TBX20: variants seen among roughly 807,000 people sequenced by gnomAD.
TBX20 encodes T-box transcription factor 20, also known as T-box transcription factor TBX20.
Under a neutral mutation model 42.9 loss-of-function variants are expected in TBX20, and 8 were observed. That is an observed-to-expected ratio of 0.19 (90% confidence interval 0.11 to 0.34). TBX20 has a LOEUF of 0.34. TBX20 is among the 10% of genes least tolerant of loss of function. The probability of loss-of-function intolerance (pLI) is 1.00; values close to 1 mark genes in which losing one functional copy is unlikely to be tolerated. For missense variants in TBX20, 411 were observed against 566.0 expected, an observed-to-expected ratio of 0.73 and a Z score of 2.78; for synonymous variants, 198 against 222.8, an observed-to-expected ratio of 0.89 and a Z score of 0.99.
At chr7:35,241,584 A>C (rs1790082631) in intron 4 of TBX20, among the ~76,000 whole-genome samples, 1 of 152,218 alleles carries the variant, frequency 6.6e-6, no homozygotes. Context: ...TCATATGCAG[A>C]AACAGTACTA....
chr7:35,217,255 C>T (rs1041278864), intron 6 of TBX20, among the ~76,000 whole-genome samples: 2 of 151,930 alleles, frequency 1.3e-5, no homozygotes, highest in Non-Finnish European at 2.9e-5. Context: ...GTAAACTGTA[C>T]CACTGAAAAA....
intron 1 of TBX20, among the ~76,000 whole-genome samples, chr7:35,250,624 C>A (rs1014291877): frequency 3.3e-5 from 5 of 152,132 alleles, no homozygotes; most frequent in Non-Finnish European, 5.9e-5. Flanking sequence ...TTTTTCTCAA[C>A]GGAGACAAAG....
chr7:35,211,711 C>T (rs1789500542), intron 6 of TBX20, among the ~76,000 whole-genome samples: 1 of 152,108 alleles, frequency 6.6e-6, no homozygotes, highest in Non-Finnish European at 1.5e-5. Context: ...ACCATAACCC[C>T]ATTGTTAGTC....
chr7:35,229,840 C>T (rs1347129641), intron 6 of TBX20, among the ~76,000 whole-genome samples: 1 of 152,022 alleles, frequency 6.6e-6, no homozygotes, highest in Non-Finnish European at 1.5e-5. Context: ...GTCATAAATG[C>T]CAGCTTATTT....
intron 7 of TBX20, among the ~76,000 whole-genome samples, chr7:35,203,190 A>G (rs1789337069): frequency 6.6e-6 from 1 of 152,210 alleles, no homozygotes; most frequent in South Asian, 2.1e-4. Flanking sequence ...GTGAGAACCT[A>G]AGAAAGTAAG....
intron 6 of TBX20, among the ~76,000 whole-genome samples, chr7:35,227,643 T>C (rs1431817943): frequency 4.6e-5 from 7 of 152,162 alleles, no homozygotes; most frequent in Admixed American, 4.6e-4. Flanking sequence ...ATACACTCTA[T>C]GACGTTTTCA....
intron 4 of TBX20, among the ~76,000 whole-genome samples, chr7:35,241,538 A>T (rs1410037805): frequency 6.6e-6 from 1 of 152,210 alleles, no homozygotes; most frequent in African/African-American, 2.4e-5. Context: ...TTTAATCCTT[A>T]GCCAGGTGAT....
At chr7:35,241,508 A>C (rs1280408257) in intron 4 of TBX20, among the ~76,000 whole-genome samples, 2 of 152,278 alleles carry the variant, frequency 1.3e-5, no homozygotes, top group East Asian at 3.9e-4. Context: ...AAAAATTTTG[A>C]ATCTGTCAGT....
intron 4 of TBX20, among the ~76,000 whole-genome samples, chr7:35,243,705 A>AT (rs397739596): frequency 6.6e-6 from 1 of 152,080 alleles, no homozygotes; most frequent in Non-Finnish European, 1.5e-5. Context: ...GTTAAAAAAA[A>AT]CAAAAGAAAA....
At chr7:35,210,584 C>T (rs184073183) in intron 6 of TBX20, among the ~76,000 whole-genome samples, 258 of 152,058 alleles carry the variant, frequency 1.7e-3, no homozygotes, top group Non-Finnish European at 3.3e-3. Flanking sequence ...TTTTATACTT[C>T]TATCAGACAT....
intron 5 of TBX20, among the ~76,000 whole-genome samples, chr7:35,236,890 C>T (rs1316833528): frequency 1.3e-5 from 2 of 151,606 alleles, no homozygotes; most frequent in African/African-American, 4.9e-5. Flanking sequence ...TAGCTGGGCA[C>T]TGATGGCTAG....
chr7:35,208,310 A>G (rs992203744), intron 6 of TBX20, among the ~76,000 whole-genome samples: 1 of 152,068 alleles, frequency 6.6e-6, no homozygotes, highest in African/African-American at 2.4e-5. Context: ...TGGGTTTTGG[A>G]GATTTGGGTT....
Position 35,206,618 on chromosome 7 carries a change from T to C in TBX20, c.891-2036A>G, listed in dbSNP as rs1181096370. On this transcript the variant is annotated intron_variant, in intron 6 of 7. Transcript: ENST00000408931. ...CATATGTACGCACCACTGACACCAC[T>C]GCCACAAGCACAATAACAAAAATAT... is the stretch of plus-strand genomic sequence containing the variant. Among the ~76,000 whole-genome samples, 3 of 152,190 alleles carry C rather than the reference T, an allele frequency of 2.0e-5. No homozygotes were observed. In the East Asian group the frequency reaches 5.8e-4, roughly 29 times the overall value.
intron 6 of TBX20, among the ~76,000 whole-genome samples, chr7:35,229,189 T>C (rs1489668873): frequency 6.6e-6 from 1 of 152,138 alleles, no homozygotes; most frequent in Non-Finnish European, 1.5e-5. Context: ...GTTAGAAAAG[T>C]GCAATATCTG....
intron 4 of TBX20, 73 bp downstream of exon 4, chr7:35,244,876 A>G: frequency 9.4e-7 from 1 of 1,067,708 alleles, no homozygotes; most frequent in Non-Finnish European, 1.5e-6. Context: ...GAAGGGACTC[A>G]GAGAGAGACA....
chr7:35,234,567 A>C (rs2532176), intron 5 of TBX20, among the ~76,000 whole-genome samples: 1 of 152,174 alleles, frequency 6.6e-6, no homozygotes, highest in Admixed American at 6.5e-5. Flanking sequence ...ACTTTCATAA[A>C]TCCTAGGAGT....
chr7:35,202,871 TACGTC>T, intron 7 of TBX20, 101 bp from the exon 8 acceptor site: 5 of 1,538,434 alleles, frequency 3.3e-6, no homozygotes, highest in Non-Finnish European at 4.4e-6. Context: ...GAATATTTAA[TACGTC>T]TGTAATTTAG....
intron 6 of TBX20, among the ~76,000 whole-genome samples, chr7:35,218,668 G>A (rs937744707): frequency 1.3e-5 from 2 of 152,002 alleles, no homozygotes; most frequent in Non-Finnish European, 2.9e-5. Flanking sequence ...ATTATAATAT[G>A]TTGCTCTATA....
In TBX20 at chr7:35,253,911, T is replaced by C; in HGVS notation, c.-291A>G. ...CGGGGCGCTCGGCAGGACGACAGTC[T>C]GCACAGCCCGAAGGCGGAAACGAGC... On this transcript the variant is annotated 5_prime_UTR_variant, in exon 1 of 8. Transcript: ENST00000408931. 2 of 413,390 alleles carry C rather than the reference T, an allele frequency of 4.8e-6. No individual in the cohort carries two copies. Among genetic ancestry groups the C allele is most frequent in the East Asian group, 9.3e-5 (2 of 21,598 alleles). 25.6% of individuals were successfully genotyped at this position (413,390 alleles called of 1,614,324 possible). A position where few individuals can be genotyped will look rare whatever the true frequency, so the allele number is the denominator to read the frequency against.
Sources: allele counts gnomAD v4.1 joint callset (sites outside exome capture counted in the v4.1 genomes callset), GRCh38; gene constraint gnomAD v4.1.1; transcripts MANE v1.5; gene names NCBI Gene and HGNC (gene_info 2026-07-23, HGNC 2026-07-21).